Variants in PTCHD4 observed in about 807,000 individuals in gnomAD.
PTCHD4 encodes patched domain containing 4, also known as patched domain-containing protein 4.
Under a neutral mutation model 58.1 loss-of-function variants are expected in PTCHD4, and 33 were observed. The ratio of observed to expected loss-of-function variants is 0.57; its 90% CI spans 0.43 to 0.76. PTCHD4 has a LOEUF of 0.76. Among genes scored for constraint, PTCHD4 ranks in the 30% least tolerant of loss-of-function variants. The pLI is 0.00. For synonymous variants in PTCHD4, 478 were observed against 409.6 expected (o/e 1.17, Z -2.02); for missense variants, 1,058 against 1,027.1 (o/e 1.03, Z -0.41).
At chr6:47,953,084 G>GATC (rs1766715759) in intron 4 of PTCHD4, among the ~76,000 whole-genome samples, 2 of 152,090 alleles carry the variant, frequency 1.3e-5, no homozygotes, top group East Asian at 3.8e-4. Context: ...TGAGGATGAT[G>GATC]ATGATGATGA....
intron 4 of PTCHD4, among the ~76,000 whole-genome samples, chr6:47,904,498 T>C (rs1485046712): frequency 6.6e-6 from 1 of 152,186 alleles, no homozygotes; most frequent in Non-Finnish European, 1.5e-5. Context: ...GTGGAAAATA[T>C]TTAGTATCTG....
intron 3 of PTCHD4, among the ~76,000 whole-genome samples, chr6:48,034,492 A>G (rs1763560548): frequency 6.6e-6 from 1 of 152,094 alleles, no homozygotes; most frequent in South Asian, 2.1e-4. Context: ...ATTTCCTTGG[A>G]AAAAAATGAA....
chr6:47,928,465 T>A (rs1190740830), intron 4 of PTCHD4, among the ~76,000 whole-genome samples: 1 of 152,230 alleles, frequency 6.6e-6, no homozygotes, highest in Non-Finnish European at 1.5e-5. Context: ...ATAAAATGAC[T>A]GAAGTTACTT....
intron 4 of PTCHD4, among the ~76,000 whole-genome samples, chr6:47,997,607 T>C (rs1768547785): frequency 1.3e-5 from 2 of 152,286 alleles, no homozygotes; most frequent in African/African-American, 4.8e-5. Flanking sequence ...AAACTCAGGA[T>C]TGTACTCAGA....
intron 4 of PTCHD4, among the ~76,000 whole-genome samples, chr6:47,896,784 A>G (rs1284480353): frequency 6.6e-6 from 1 of 152,178 alleles, no homozygotes; most frequent in Admixed American, 6.5e-5. Flanking sequence ...AGGCAGGCAT[A>G]TTACACTCTC....
chr6:48,110,083 T>C (rs1306911261), intron 1 of PTCHD4, among the ~76,000 whole-genome samples: 2 of 152,178 alleles, frequency 1.3e-5, no homozygotes, highest in Non-Finnish European at 2.9e-5. Context: ...AACTACCATA[T>C]GATACAGCAA....
At chr6:47,992,248 A>G (rs1043433166) in intron 4 of PTCHD4, among the ~76,000 whole-genome samples, 1 of 152,190 alleles carries the variant, frequency 6.6e-6, no homozygotes. Flanking sequence ...TATTTAATTC[A>G]CCAAGATGAT....
At chr6:48,106,499 T>A (rs1765727225) in intron 1 of PTCHD4, among the ~76,000 whole-genome samples, 2 of 152,218 alleles carry the variant, frequency 1.3e-5, no homozygotes, top group Non-Finnish European at 2.9e-5. Flanking sequence ...AATATCATAC[T>A]GAATGGACAA....
Position 47,860,758 on chromosome 6 carries a change from A to G in PTCHD4, c.*17545T>C, listed in dbSNP as rs1763406941. ...TAGAGGGTTAAAAACCCACTAGTCT[A>G]CTAGTTTATTTCACTCATTGCTTGG... On this transcript the variant is annotated 3_prime_UTR_variant, in exon 5 of 5. Transcript: ENST00000339488. Among the ~76,000 whole-genome samples the G allele has an allele frequency of 6.6e-6, 1 of 151,992 alleles. No homozygotes were observed. Among genetic ancestry groups the G allele is most frequent in the Admixed American group, 6.6e-5 (1 of 15,236 alleles).
chr6:47,908,996 GA>G (rs1764985681), intron 4 of PTCHD4, among the ~76,000 whole-genome samples: 5 of 152,112 alleles, frequency 3.3e-5, no homozygotes, highest in Admixed American at 3.3e-4. Context: ...CTGCATAAAT[GA>G]AATATCTAAC....
intron 3 of PTCHD4, among the ~76,000 whole-genome samples, chr6:48,056,140 C>T (rs536983554): frequency 6.6e-6 from 1 of 152,286 alleles, no homozygotes; most frequent in East Asian, 1.9e-4. Context: ...TGAAGGCTTT[C>T]TTATATGCAA....
Position 47,874,418 on chromosome 6 carries a change from G to A in PTCHD4, c.*3885C>T, listed in dbSNP as rs528571844. On this transcript the variant is annotated 3_prime_UTR_variant, in exon 5 of 5. Coordinates refer to ENST00000339488, the MANE Select transcript of PTCHD4 (RefSeq NM_001384253.1). ...TTAATAACAAAGCATGCATAGTGCC[G>A]TGCATTCATAACTATTTGGTCATAA... Among the ~76,000 whole-genome samples, 7 of 151,712 alleles carry A rather than the reference G, an allele frequency of 4.6e-5. No homozygotes were observed. The East Asian group carries it at 7.8e-4, about 17-fold the overall frequency.
Position 48,022,761 on chromosome 6 carries a change from T to C in PTCHD4, c.418-13647A>G, listed in dbSNP as rs1330234928. Among the ~76,000 whole-genome samples the C allele has an allele frequency of 2.0e-5, 3 of 152,284 alleles. No individual in the cohort carries two copies. In the East Asian group the frequency reaches 5.8e-4, roughly 29 times the overall value. On this transcript the variant is annotated intron_variant, in intron 3 of 4. Transcript: ENST00000339488. ...ACCTCAATGCCTTTGGAAGGTAAAT[T>C]AAATTTTGTTTTTAAATTTGTAAGG... is the stretch of plus-strand genomic sequence containing the variant.
chr6:48,031,271 G>A (rs945822867), intron 3 of PTCHD4, among the ~76,000 whole-genome samples: 2 of 152,002 alleles, frequency 1.3e-5, no homozygotes, highest in Non-Finnish European at 2.9e-5. Flanking sequence ...TATCATATCA[G>A]TTTAGCCAGA....
chr6:47,984,699 A>C (rs1767998580), intron 4 of PTCHD4, among the ~76,000 whole-genome samples: 1 of 152,144 alleles, frequency 6.6e-6, no homozygotes, highest in Non-Finnish European at 1.5e-5. Flanking sequence ...GCACAGTTTC[A>C]GAAGATAATG....
intron 4 of PTCHD4, among the ~76,000 whole-genome samples, chr6:47,962,594 G>A (rs1270586978): frequency 2.6e-5 from 4 of 152,104 alleles, no homozygotes; most frequent in Non-Finnish European, 5.9e-5. Context: ...CGTTCACTCA[G>A]CACTTGTCCT....
intron 1 of PTCHD4, among the ~76,000 whole-genome samples, chr6:48,101,379 A>G (rs777828958): frequency 6.6e-6 from 1 of 152,240 alleles, no homozygotes; most frequent in Admixed American, 6.5e-5. Context: ...ACAGTTTAAC[A>G]TATGCTAAAG....
rs1763554869 is a variant in PTCHD4, at chr6:47,866,010, G to T, written c.*12293C>A. ...TCAGTCTGGTCCCGTCACATGGGGT[G>T]CTCAGGCCAATAATCTTACCTCATC... On this transcript the variant is annotated 3_prime_UTR_variant, in exon 5 of 5. Transcript: ENST00000339488. Among the ~76,000 whole-genome samples, 1 of 151,748 alleles carries T rather than the reference G, an allele frequency of 6.6e-6. No homozygotes were observed. The highest frequency in any genetic ancestry group is 2.4e-5 in the African/African-American group (1 of 41,392).
chr6:47,944,756 G>A (rs1026919972), intron 4 of PTCHD4, among the ~76,000 whole-genome samples: 2 of 152,066 alleles, frequency 1.3e-5, no homozygotes. Context: ...AGTTCAACAA[G>A]CATTTATTGA....
Sources: gnomAD v4.1 joint callset for allele counts (sites outside exome capture counted in the v4.1 genomes callset) on GRCh38, gnomAD v4.1.1 for gene constraint, MANE v1.5 for transcripts, NCBI Gene and HGNC (gene_info 2026-07-23, HGNC 2026-07-21) for gene names.